Variants in FGF13 observed in about 807,000 individuals in gnomAD.
The protein encoded by FGF13 is fibroblast growth factor 13, also known as fibroblast growth factor homologous factor 2.
In FGF13, 2 loss-of-function variants were observed where a neutral mutation model predicts 19.5. That is an observed-to-expected ratio of 0.10 (90% CI 0.04 to 0.32). The LOEUF is 0.32. Ranked by LOEUF, FGF13 falls within the 10% of genes least tolerant of loss-of-function variation. The pLI is 1.00. For missense variants in FGF13, 113 were observed against 192.7 expected (o/e 0.59, Z 2.45); for synonymous variants, 72 against 76.9 (o/e 0.94, Z 0.33).
chrX:138,963,623 C>T (rs958593717), intron 1 of FGF13, among the ~76,000 whole-genome samples: 1 of 112,101 alleles, frequency 8.9e-6, no homozygotes, highest in African/African-American at 3.2e-5. Context: ...CAATCTTTTT[C>T]GGTTTTAGAC....
intron 1 of FGF13, among the ~76,000 whole-genome samples, chrX:138,949,318 T>A (rs985914084): frequency 3.6e-5 from 4 of 111,619 alleles, no homozygotes; most frequent in Non-Finnish European, 7.5e-5. Context: ...CCATTCTTCC[T>A]CTGAAGGCTC....
At chrX:138,954,375 T>A (rs2091830836) in intron 1 of FGF13, among the ~76,000 whole-genome samples, 1 of 111,809 alleles carries the variant, frequency 8.9e-6, no homozygotes, top group South Asian at 3.7e-4. Context: ...AGAAAGTGAT[T>A]CAAGTTGCAT....
At chrX:138,922,069 C>T (rs992269718) in intron 1 of FGF13, among the ~76,000 whole-genome samples, 2 of 108,634 alleles carry the variant, frequency 1.8e-5, no homozygotes, top group African/African-American at 6.7e-5. Context: ...GTGTCAATAG[C>T]TGATTTTGCT....
chrX:139,136,506 G>A (rs1387364540), intron 1 of FGF13, among the ~76,000 whole-genome samples: 1 of 111,412 alleles, frequency 9.0e-6, no homozygotes, highest in East Asian at 2.8e-4. Flanking sequence ...TCAATAATCT[G>A]CTAGGAAGAC....
At chrX:139,204,053 G>T (rs778250782), upstream of FGF13, 1 of 1,209,570 alleles carries the variant, frequency 8.3e-7, no homozygotes. Context: ...CGGCGGGCGG[G>T]CTTACCCTTA....
intron 3 of FGF13, among the ~76,000 whole-genome samples, chrX:138,820,001 T>C (rs1295160518): frequency 6.3e-5 from 7 of 111,460 alleles, no homozygotes; most frequent in Admixed American, 5.8e-4. Context: ...TATGTAATTG[T>C]GTATTGGAGG....
chrX:139,026,612 G>C (rs188334804), intron 1 of FGF13, among the ~76,000 whole-genome samples: 1 of 111,638 alleles, frequency 9.0e-6, no homozygotes, highest in East Asian at 2.9e-4. Flanking sequence ...AAATCATGCC[G>C]GGACAGTCCA....
chrX:138,808,256 G>A (rs1202394312), intron 3 of FGF13, among the ~76,000 whole-genome samples: 2 of 112,114 alleles, frequency 1.8e-5, no homozygotes, highest in East Asian at 5.6e-4. Context: ...AGACCACAGT[G>A]CAATCAAACT....
downstream of FGF13, among the ~76,000 whole-genome samples, chrX:138,854,428 C>T (rs751382058): frequency 1.8e-5 from 2 of 110,661 alleles, no homozygotes; most frequent in African/African-American, 3.3e-5. Flanking sequence ...GGGCCCTGGA[C>T]GTAAGACAAA....
rs1329443535 is a variant in FGF13 at position 139,152,587 on chromosome X, G to A, written c.-113+50829C>T. Among the ~76,000 whole-genome samples the A allele has an allele frequency of 4.5e-5, 5 of 110,440 alleles. No homozygotes were observed. In the South Asian group the frequency reaches 1.2e-3, roughly 26 times the overall value. On this transcript the variant is annotated intron_variant, in intron 1 of 2. Coordinates refer to the FGF13 transcript ENST00000421460. Reference sequence around the variant, plus strand: ...CCTTATTTGTTTAGAATAAAGCTCCGTTAAATATCATATGGGACTTGGGAT... The same window carrying A: ...CCTTATTTGTTTAGAATAAAGCTCCATTAAATATCATATGGGACTTGGGAT...
chrX:138,727,401 G>A (rs1330047427), intron 1 of FGF13, among the ~76,000 whole-genome samples: 1 of 110,704 alleles, frequency 9.0e-6, no homozygotes, highest in Non-Finnish European at 1.9e-5. Flanking sequence ...TATATAAAGG[G>A]AGAGAGTTAC....
intron 4 of FGF13, among the ~76,000 whole-genome samples, chrX:138,634,229 C>T (rs2089155137): frequency 1.8e-5 from 2 of 111,539 alleles, no homozygotes. Flanking sequence ...GAGTCTCACT[C>T]TGCCGCCCAG....
chrX:138,825,188 T>C (rs1451989840), intron 3 of FGF13, among the ~76,000 whole-genome samples: 1 of 111,676 alleles, frequency 9.0e-6, no homozygotes, highest in Middle Eastern at 4.2e-3. Flanking sequence ...GGGAAATGTA[T>C]ACATAATAGT....
At chrX:139,009,856 G>T (rs2092120540) in intron 1 of FGF13, among the ~76,000 whole-genome samples, 1 of 111,487 alleles carries the variant, frequency 9.0e-6, no homozygotes, top group Admixed American at 9.5e-5. Flanking sequence ...AAAAAACACA[G>T]AATGTCAGAA....
At chrX:138,694,677 C>A (rs915302422) in intron 3 of FGF13, among the ~76,000 whole-genome samples, 1 of 107,251 alleles carries the variant, frequency 9.3e-6, no homozygotes, top group African/African-American at 3.4e-5. Context: ...AAGGTTTCAC[C>A]GTGTTAGCCA....
At chrX:138,686,195 C>G (rs996455309) in intron 3 of FGF13, among the ~76,000 whole-genome samples, 2 of 111,320 alleles carry the variant, frequency 1.8e-5, no homozygotes, top group African/African-American at 6.5e-5. Context: ...AATGCTCCAA[C>G]AAATATTAGA....
intron 1 of FGF13, among the ~76,000 whole-genome samples, chrX:138,992,541 G>A (rs1051519747): frequency 9.2e-6 from 1 of 108,556 alleles, no homozygotes; most frequent in African/African-American, 3.4e-5. Flanking sequence ...TGAGATATAG[G>A]GATAATTAAA....
At position 138,632,918 on chromosome X, in the gene FGF13, T is replaced by C; in HGVS notation, c.670A>G (p.Thr224Ala). The C allele has an allele frequency of 1.7e-6, 2 of 1,211,005 alleles. No homozygotes were observed. The highest frequency in any genetic ancestry group is 2.2e-6 in the Non-Finnish European group (2 of 895,155). ...EFSRSGSGTP[T>A]KSRSVSGVLN... ...ACGCCAGAGACACTTCTGCTCTTGG[T>C]TGGGGTCCCGCTTCCAGATCGGGAG... The change falls in exon 5 of 5, where the codon ACC becomes GCC. Residue 224 changes from threonine (T) to alanine (A), a missense_variant. Physicochemically the swap from Thr to Ala is moderately conservative, Grantham distance 58. Transcript: ENST00000315930.
intron 1 of FGF13, among the ~76,000 whole-genome samples, chrX:138,901,393 T>C (rs934916829): frequency 1.8e-5 from 2 of 111,451 alleles, no homozygotes; most frequent in African/African-American, 6.5e-5. Context: ...CTGCATCTCT[T>C]TGTAATCATC....
Sources: allele counts gnomAD v4.1 joint callset (sites outside exome capture counted in the v4.1 genomes callset), GRCh38; gene constraint gnomAD v4.1.1; transcripts MANE v1.5; gene names NCBI Gene and HGNC (gene_info 2026-07-23, HGNC 2026-07-21).